ZNF81: variants seen among roughly 807,000 people sequenced by gnomAD.
The protein encoded by ZNF81 is zinc finger protein 81.
A neutral mutation model predicts 32.3 loss-of-function variants in ZNF81; 5 were observed. That is an observed-to-expected ratio of 0.15 (90% CI 0.08 to 0.33). The LOEUF (loss-of-function observed/expected upper bound fraction) is 0.33. ZNF81 is among the 10% of genes least tolerant of loss of function. The probability of loss-of-function intolerance (pLI) is 1.00; values close to 1 mark genes in which losing one functional copy is unlikely to be tolerated. For missense variants in ZNF81, 379 were observed against 479.8 expected, an observed-to-expected ratio of 0.79 and a Z score of 1.96; for synonymous variants, 163 against 166.8, an observed-to-expected ratio of 0.98 and a Z score of 0.17.
chrX:47,860,971 C>G (rs2058538222), intron 2 of ZNF81: 1 of 112,267 alleles, frequency 8.9e-6, no homozygotes, highest in African/African-American at 3.2e-5. Context: ...ATCTTTTGTT[C>G]TAATCAGGCT....
chrX:47,912,972 C>G (rs1161440256), intron 4 of ZNF81, among the ~76,000 whole-genome samples: 1 of 110,080 alleles, frequency 9.1e-6, no homozygotes, highest in East Asian at 2.8e-4. Context: ...CAGTCTCTAC[C>G]AGAGATGACT....
chrX:47,913,177 A>C (rs1035135321), intron 4 of ZNF81, among the ~76,000 whole-genome samples: 7 of 112,134 alleles, frequency 6.2e-5, no homozygotes, highest in Admixed American at 1.9e-4. Context: ...TTTGCTGATA[A>C]GCAAGATTAG....
chrX:47,849,501 G>A (rs782523255), intron 2 of ZNF81, among the ~76,000 whole-genome samples: 3 of 110,993 alleles, frequency 2.7e-5, no homozygotes, highest in South Asian at 3.8e-4. Context: ...GTGAAACCCT[G>A]TCTCTACTAA....
rs1157140288 is a variant in ZNF81 at position 47,919,191 on chromosome X, C to T, written c.*2559C>T. On this transcript the variant is annotated 3_prime_UTR_variant, in exon 5 of 5. Coordinates refer to ENST00000338637, the MANE Select transcript of ZNF81 (RefSeq NM_007137.5). ...GAATACTTTGTGACCAGAAGACACA[C>T]TGTGTTAGGTAGAAAAATGCTACAG... 3 of 328,575 alleles carry T rather than the reference C, an allele frequency of 9.1e-6. No homozygotes were observed. Among genetic ancestry groups the T allele is most frequent in the African/African-American group, 5.3e-5 (2 of 37,496 alleles). The allele number at this position is 328,575 out of a possible 1,213,427, so 27.1% of individuals were successfully genotyped here. A position where few individuals can be genotyped will look rare whatever the true frequency, so the allele number is the denominator to read the frequency against.
intron 4 of ZNF81, among the ~76,000 whole-genome samples, chrX:47,913,233 T>A (rs1307018045): frequency 1.8e-5 from 2 of 111,989 alleles, no homozygotes; most frequent in Non-Finnish European, 3.8e-5. Context: ...GAGCATTTGT[T>A]ATAACAGAAA....
Position 47,915,565 on chromosome X carries a change from T to C in ZNF81, c.919T>C (p.Cys307Arg). ...GGAAAAACCTCATGAGCTTAGCAAA[T>C]GTGTAAATGTTTTTACACAGAAGCC... ...TVEKPHELSK[C>R]VNVFTQKPLL... Residue 307 changes from cysteine (C) to arginine (R), a missense_variant, in exon 5 of 5, where the codon TGT (cysteine) becomes CGT (arginine). This residue lies in a region of ZNF81 where 277 missense variants were observed against 306.6 expected (regional missense o/e 0.90). Coordinates refer to ENST00000338637, the MANE Select transcript of ZNF81 (RefSeq NM_007137.5). 8.3e-7 allele frequency: 1 copy of C among 1,211,580 alleles called. No homozygotes were observed. The highest frequency in any genetic ancestry group is 2.2e-5 in the Admixed American group (1 of 45,936).
Position 47,902,825 on chromosome X carries a change from G to A in ZNF81, c.277+6885G>A, listed in dbSNP as rs4824645. Among the ~76,000 whole-genome samples the A allele has an allele frequency of 5.5e-3, 608 of 111,393 alleles. 14 individuals carry two copies. Among genetic ancestry groups the A allele is most frequent in the Admixed American group, 0.053 (559 of 10,540 alleles). On this transcript the variant is annotated intron_variant, in intron 4 of 4. Coordinates refer to ENST00000338637, the MANE Select transcript of ZNF81 (RefSeq NM_007137.5). ...AATCAGCACTTTGGGAGGCCGAGGC[G>A]GGTGGATCACCTAAGGCCAGGAGTT...
rs2146435380 is a variant in ZNF81 at position 47,922,884 on chromosome X, T to G, written c.*6252T>G. 9.0e-6 allele frequency among the ~76,000 whole-genome samples: 1 copy of G among 111,279 alleles called. No individual in the cohort carries two copies. The highest frequency in any genetic ancestry group is 9.6e-5 in the Admixed American group (1 of 10,458). On this transcript the variant is annotated 3_prime_UTR_variant, in exon 5 of 5. Transcript: ENST00000338637. ...CCTAGCTTTTGAGAGCTTCAGGTGTTATTTGGCTTATAGATGCATTATTCC... is the reference window on the plus strand; with the variant it reads ...CCTAGCTTTTGAGAGCTTCAGGTGTGATTTGGCTTATAGATGCATTATTCC...
At chrX:47,849,227 A>G (rs1021560755) in intron 2 of ZNF81, among the ~76,000 whole-genome samples, 1 of 111,838 alleles carries the variant, frequency 8.9e-6, no homozygotes. Context: ...TGTAACATAC[A>G]TACAGAAAAG....
In ZNF81 at chrX:47,846,223, G is replaced by A; in HGVS notation, c.-45G>A. The A allele has an allele frequency of 8.4e-7, 1 of 1,193,562 alleles. No individual in the cohort carries two copies. The highest frequency in any genetic ancestry group is 1.8e-5 in the South Asian group (1 of 54,632). On this transcript the variant is annotated 5_prime_UTR_variant, in exon 2 of 5. Coordinates refer to ENST00000338637, the MANE Select transcript of ZNF81 (RefSeq NM_007137.5). ...CCGATCCCACTGGAATTATAAAGTT[G>A]TCAGCAAGAAAGCCCCAGGGCTGAA...
chrX:47,899,464 C>T (rs782214586), intron 4 of ZNF81, among the ~76,000 whole-genome samples: 12 of 110,326 alleles, frequency 1.1e-4, no homozygotes, highest in Non-Finnish European at 1.9e-4. Flanking sequence ...TTGATTATGA[C>T]GTATTAGCTT....
rs1186128371 is a variant in ZNF81, at chrX:47,920,216, TA to T, written c.*3585del. The T allele has an allele frequency of 8.9e-6, 1 of 112,131 alleles. No individual in the cohort carries two copies. Among genetic ancestry groups the T allele is most frequent in the Non-Finnish European group, 1.9e-5 (1 of 53,226 alleles). 9.2% of individuals were successfully genotyped at this position (112,131 alleles called of 1,213,427 possible). On this transcript the variant is annotated 3_prime_UTR_variant, in exon 5 of 5. Coordinates refer to ENST00000338637, the MANE Select transcript of ZNF81 (RefSeq NM_007137.5). The stretch of plus-strand genomic sequence containing the variant: ...GGCACTGGTTTGCCCAGAGAATTTT[TA>T]TTTTTCCCAGACCACACTTGCCTTT...
chrX:47,915,105 T>C lies in ZNF81; in HGVS notation c.459T>C (p.Thr153=). ...QEKHNKLLSR[T]TFLNKKILNT... ...AACACAACAAACTTCTGAGTCGCAC[T>C]ACTTTCCTCAATAAGAAAATATTGA... Residue 153 remains threonine (T), a synonymous_variant, in exon 5 of 5, where the codon ACT becomes ACC. Coordinates refer to ENST00000338637, the MANE Select transcript of ZNF81 (RefSeq NM_007137.5). The C allele has an allele frequency of 8.3e-7, 1 of 1,207,762 alleles. No individual in the cohort carries two copies. The highest frequency in any genetic ancestry group is 1.7e-5 in the African/African-American group (1 of 57,605).
At chrX:47,837,448 A>G (rs906818519) in intron 1 of ZNF81, among the ~76,000 whole-genome samples, 4 of 111,997 alleles carry the variant, frequency 3.6e-5, no homozygotes, top group African/African-American at 9.7e-5. Flanking sequence ...TGCTTCTTCT[A>G]TTACTTCGAG....
At chrX:47,899,281 T>G (rs1442004591) in intron 4 of ZNF81, among the ~76,000 whole-genome samples, 5 of 41,883 alleles carry the variant, frequency 1.2e-4, no homozygotes, top group African/African-American at 2.8e-4. Flanking sequence ...AATCCTAGCT[T>G]GTTTCATAGT....
At position 47,840,572 on chromosome X, in the gene ZNF81, C is replaced by T. The variant is rs1384462687; in HGVS notation, c.-164+3585C>T. Among the ~76,000 whole-genome samples, 4 of 106,822 alleles carry T rather than the reference C, an allele frequency of 3.7e-5. No homozygotes were observed. In the East Asian group the frequency reaches 8.8e-4, roughly 23 times the overall value. The allele number at this position is 106,822 out of a possible 115,157, so 92.8% of individuals were successfully genotyped here. On this transcript the variant is annotated intron_variant, in intron 1 of 4. Transcript: ENST00000338637. ...AGGCTGGAGTGCAATGGCGCAATCT[C>T]GGCTCACCCCAACCTCCGCCTCCCA... is the stretch of plus-strand genomic sequence containing the variant.
chrX:47,867,360 T>G (rs1556883390), intron 2 of ZNF81, among the ~76,000 whole-genome samples: 1 of 112,122 alleles, frequency 8.9e-6, no homozygotes, highest in African/African-American at 3.2e-5. Flanking sequence ...AAATACAAGT[T>G]TTTTCAGGAA....
Position 47,919,045 on chromosome X carries a change from A to G in ZNF81, c.*2413A>G. 1 of 287,039 alleles carries G rather than the reference A, an allele frequency of 3.5e-6. No homozygotes were observed. The allele number at this position is 287,039 out of a possible 1,213,427, so 23.7% of individuals were successfully genotyped here. ...AAACTGTACCCAAGGAACCTCAGCC[A>G]CACCTGAACCTGATACAGAAGACTT... On this transcript the variant is annotated 3_prime_UTR_variant, in exon 5 of 5. Transcript: ENST00000338637.
intron 2 of ZNF81, among the ~76,000 whole-genome samples, chrX:47,868,322 AAG>A (rs1556883492): frequency 9.2e-6 from 1 of 109,240 alleles, no homozygotes; most frequent in Non-Finnish European, 1.9e-5. Context: ...TTTGTCTATT[AAG>A]TAGATGCTTT....
Sources: gnomAD v4.1 joint callset for allele counts (sites outside exome capture counted in the v4.1 genomes callset) on GRCh38, gnomAD v4.1.1 for gene constraint, gnomAD v4.1.1 regional missense constraint, MANE v1.5 for transcripts, NCBI Gene and HGNC (gene_info 2026-07-23, HGNC 2026-07-21) for gene names.